WDR17: variants seen among roughly 807,000 people sequenced by gnomAD.
WDR17 encodes the protein WD repeat-containing protein 17.
Under a neutral mutation model 161.7 loss-of-function variants are expected in WDR17, and 143 were observed. That is an observed-to-expected ratio of 0.88 (90% CI 0.77 to 1.02). The LOEUF (loss-of-function observed/expected upper bound fraction) is 1.02. WDR17 is among the 50% of genes least tolerant of loss of function. The pLI is 0.00. For missense variants in WDR17, 1,469 were observed against 1,520.9 expected, an observed-to-expected ratio of 0.97 and a Z score of 0.57; for synonymous variants, 517 against 515.6, an observed-to-expected ratio of 1.00 and a Z score of -0.04.
At chr4:176,150,242 A>G (rs531593873) in intron 15 of WDR17, 69 bp downstream of exon 15, 33 of 1,576,976 alleles carry the variant, frequency 2.1e-5, no homozygotes, top group African/African-American at 1.5e-4. Context: ...AACTATTTTT[A>G]TTCACATATT....
chr4:176,076,922 GATAGAAATCT>G (rs536459961), intron 1 of WDR17, among the ~76,000 whole-genome samples: 404 of 152,056 alleles, frequency 2.7e-3, no homozygotes, highest in Non-Finnish European at 4.9e-3. Flanking sequence ...TATCAACATT[GATAGAAATCT>G]ATGTCAATGT....
intron 22 of WDR17, among the ~76,000 whole-genome samples, chr4:176,167,373 G>C (rs926544972): frequency 6.6e-6 from 1 of 151,806 alleles, no homozygotes; most frequent in African/African-American, 2.4e-5. Flanking sequence ...TTGGCCGGGC[G>C]CGGTGGCTCA....
intron 19 of WDR17, among the ~76,000 whole-genome samples, chr4:176,160,685 G>T (rs10021875): frequency 0.1 from 15,763 of 152,184 alleles, 1,772 homozygotes; most frequent in African/African-American, 0.27. Context: ...ACATGCTGCT[G>T]AATGTTATAC....
At chr4:176,127,779 GTTACTCTCCATT>G (rs1223154041) in intron 5 of WDR17, among the ~76,000 whole-genome samples, 1 of 152,068 alleles carries the variant, frequency 6.6e-6, no homozygotes, top group African/African-American at 2.4e-5. Flanking sequence ...CTCATCAGCA[GTTACTCTCCATT>G]ACTGCCTCCC....
chr4:176,154,066 C>T lies in WDR17; in HGVS notation c.2461-2013C>T, dbSNP rs528154847. Among the ~76,000 whole-genome samples the T allele has an allele frequency of 2.6e-5, 4 of 152,258 alleles. No individual in the cohort carries two copies. In the South Asian group the frequency reaches 8.3e-4, roughly 32 times the overall value. ...TATATTTGATTAAATATAATTTAAACTGCCTTTAACTCAAAGCCTATTTCA... is the reference window on the plus strand; with the variant it reads ...TATATTTGATTAAATATAATTTAAATTGCCTTTAACTCAAAGCCTATTTCA... On this transcript the variant is annotated intron_variant, in intron 17 of 28. Transcript: ENST00000508596.
chr4:176,120,018 T>A lies in WDR17; in HGVS notation c.459T>A (p.Cys153Ter). The change falls in exon 4 of 29, where the codon TGT (cysteine) becomes TGA (stop). Residue 153 changes from cysteine (C) to a stop codon, truncating the protein, a stop_gained. Coordinates refer to ENST00000508596, the MANE Select transcript of WDR17 (RefSeq NM_181265.4). LOFTEE classifies it high-confidence loss of function. ...KDAHSFLSDI[C>*]MFRWHTHQKG... ...CTCATAGCTTCTTGTCTGATATCTG[T>A]ATGTTCAGATGGCATACACACCAAA... 6.2e-7 allele frequency: 1 copy of A among 1,614,078 alleles called. No homozygotes were observed. The highest frequency in any genetic ancestry group is 1.1e-5 in the South Asian group (1 of 91,074).
chr4:176,136,377 G>A (rs1744405930), intron 8 of WDR17, among the ~76,000 whole-genome samples: 1 of 151,568 alleles, frequency 6.6e-6, no homozygotes. Context: ...GCTCATATTA[G>A]TTGAATACTC....
rs139830412 is a variant in WDR17 at position 176,143,609 on chromosome 4, G to A, written c.1529+1540G>A. Among the ~76,000 whole-genome samples the A allele has an allele frequency of 4.6e-3, 699 of 152,250 alleles. 3 individuals carry two copies. Among genetic ancestry groups the A allele is most frequent in the African/African-American group, 0.016 (658 of 41,566 alleles). The stretch of plus-strand genomic sequence containing the variant: ...TGGGAGGATGGGTTGAGCCCAGGAG[G>A]TCGAGGCTGCAGTAAGCCATGATTG... On this transcript the variant is annotated intron_variant, in intron 11 of 28. Coordinates refer to ENST00000508596, the MANE Select transcript of WDR17 (RefSeq NM_181265.4).
intron 1 of WDR17, among the ~76,000 whole-genome samples, chr4:176,096,026 T>C (rs1736804830): frequency 6.6e-6 from 1 of 152,144 alleles, no homozygotes. Context: ...ATGATTTAAC[T>C]GTCAACTATG....
chr4:176,117,551 G>C (rs1361696736), intron 3 of WDR17, among the ~76,000 whole-genome samples: 1 of 151,978 alleles, frequency 6.6e-6, no homozygotes, highest in Non-Finnish European at 1.5e-5. Flanking sequence ...TTATCACCTA[G>C]TGTATCCATG....
chr4:176,124,798 A>G (rs1742184856), intron 4 of WDR17, among the ~76,000 whole-genome samples: 1 of 152,178 alleles, frequency 6.6e-6, no homozygotes, highest in Non-Finnish European at 1.5e-5. Context: ...TGAAATTTGT[A>G]ATTATTGACA....
At chr4:176,173,105 A>G (rs1243179693) in intron 24 of WDR17, among the ~76,000 whole-genome samples, 162 bp from the exon 25 acceptor site, 2 of 152,200 alleles carry the variant, frequency 1.3e-5, no homozygotes, top group African/African-American at 4.8e-5. Context: ...ATTTTATGGT[A>G]TGGGGACCTG....
Position 176,149,701 on chromosome 4 carries a change from A to G in WDR17, c.1898-106A>G, listed in dbSNP as rs1473217481. On this transcript the variant is annotated intron_variant, in intron 13 of 28. Coordinates refer to ENST00000508596, the MANE Select transcript of WDR17 (RefSeq NM_181265.4). ...ACTGAGAACCTTTCAGTTACTCACA[A>G]TATTTCTTCATAGCTTCAATTCTGT... 5.6e-5 allele frequency: 79 copies of G among 1,411,734 alleles called. 2 individuals carry two copies. The Admixed American group carries it at 1.7e-3, about 30-fold the overall frequency. 87.5% of individuals were successfully genotyped at this position (1,411,734 alleles called of 1,614,324 possible).
rs947410188 is a variant in WDR17 at position 176,173,460 on chromosome 4, G to A, written c.3347+91G>A. ...TTTTGGTATTCAGATCGGGAAATAG[G>A]ATTATCTTGGACAGGTAGCTACACT... is the stretch of plus-strand genomic sequence containing the variant. On this transcript the variant is annotated intron_variant, in intron 25 of 28. Transcript: ENST00000508596. The A allele has an allele frequency of 2.0e-4, 151 of 758,852 alleles. No individual in the cohort carries two copies. In the South Asian group the frequency reaches 2.3e-3, roughly 12 times the overall value. 47.0% of individuals were successfully genotyped at this position (758,852 alleles called of 1,614,324 possible). A position where few individuals can be genotyped will look rare whatever the true frequency, so the allele number is the denominator to read the frequency against.
At chr4:176,073,148 C>T (rs931469350) in intron 1 of WDR17, among the ~76,000 whole-genome samples, 1 of 151,956 alleles carries the variant, frequency 6.6e-6, no homozygotes, top group Non-Finnish European at 1.5e-5. Context: ...TACATGTGCA[C>T]AATGTGCAGG....
At chr4:176,067,163 A>C (rs896218659) in intron 1 of WDR17, among the ~76,000 whole-genome samples, 2 of 152,190 alleles carry the variant, frequency 1.3e-5, no homozygotes, top group African/African-American at 2.4e-5. Context: ...AGTGTTCAAG[A>C]AAATGGATAT....
rs1747226416 is a variant in WDR17 at position 176,152,106 on chromosome 4, T to C, written c.2460+139T>C. On this transcript the variant is annotated intron_variant, in intron 17 of 28. Coordinates refer to ENST00000508596, the MANE Select transcript of WDR17 (RefSeq NM_181265.4). The stretch of plus-strand genomic sequence containing the variant: ...GGGTGGATCACTTGAGCCCAGGAGT[T>C]CGATACTAGCCTGAGCAACACGGTA... The C allele has an allele frequency of 4.0e-6, 3 of 748,350 alleles. No individual in the cohort carries two copies. The Admixed American group carries it at 1.0e-4, about 26-fold the overall frequency. The allele number at this position is 748,350 out of a possible 1,614,324, so 46.4% of individuals were successfully genotyped here. A position where few individuals can be genotyped will look rare whatever the true frequency, so the allele number is the denominator to read the frequency against.
At chr4:176,124,687 C>T (rs1414988445) in intron 4 of WDR17, among the ~76,000 whole-genome samples, 1 of 152,176 alleles carries the variant, frequency 6.6e-6, no homozygotes, top group Admixed American at 6.5e-5. Flanking sequence ...AGGATCGGAA[C>T]CAGGCAGTCA....
At chr4:176,097,746 C>T (rs1009243355) in intron 1 of WDR17, among the ~76,000 whole-genome samples, 98 of 138,102 alleles carry the variant, frequency 7.1e-4, no homozygotes, top group African/African-American at 2.1e-3. Context: ...CACACATACA[C>T]ACACACACAC....
Sources: gnomAD v4.1 joint callset for allele counts (sites outside exome capture counted in the v4.1 genomes callset) on GRCh38, gnomAD v4.1.1 for gene constraint, MANE v1.5 for transcripts, NCBI Gene and HGNC (gene_info 2026-07-23, HGNC 2026-07-21) for gene names.